Variants in GABRG2 observed in about 807,000 individuals in gnomAD.
GABRG2 encodes gamma-aminobutyric acid type A receptor subunit gamma2, also known as gamma-aminobutyric acid receptor subunit gamma-2.
In GABRG2, 16 loss-of-function variants were observed where a neutral mutation model predicts 56.4. The ratio of observed to expected loss-of-function variants is 0.28; its 90% CI spans 0.19 to 0.43. GABRG2 has a LOEUF of 0.43. Among genes scored for constraint, GABRG2 ranks in the 20% least tolerant of loss-of-function variants. The pLI, the probability that GABRG2 is intolerant of heterozygous loss-of-function variation, is 1.00. For synonymous variants in GABRG2, 208 were observed against 205.5 expected, an observed-to-expected ratio of 1.01 and a Z score of -0.10; for missense variants, 327 against 582.7, an observed-to-expected ratio of 0.56 and a Z score of 4.52.
Position 162,153,891 on chromosome 5 carries a change from A to G in GABRG2, c.*523A>G, listed in dbSNP as rs1229572452. On this transcript the variant is annotated 3_prime_UTR_variant, in exon 10 of 10. Coordinates refer to ENST00000639213, the MANE Select transcript of GABRG2 (RefSeq NM_198904.4). ...AAGATAGGAAGAAAATTTCCTCCAC[A>G]TTCATGTACAATGATGTAAATATTT... 1.2e-5 allele frequency: 2 copies of G among 169,442 alleles called. No homozygotes were observed. The highest frequency in any genetic ancestry group is 3.2e-4 in the East Asian group (2 of 6,216). The allele number at this position is 169,442 out of a possible 1,614,324, so 10.5% of individuals were successfully genotyped here. A position where few individuals can be genotyped will look rare whatever the true frequency, so the allele number is the denominator to read the frequency against.
chr5:162,106,880 A>G (rs1761870316), intron 6 of GABRG2, among the ~76,000 whole-genome samples: 1 of 147,678 alleles, frequency 6.8e-6, no homozygotes, highest in Non-Finnish European at 1.5e-5. Context: ...TAGGGGGTAC[A>G]TGTACAGGTT....
chr5:162,097,601 G>A (rs1185681777), intron 3 of GABRG2, 37 bp from the exon 4 acceptor site: 2 of 1,397,272 alleles, frequency 1.4e-6, no homozygotes, highest in East Asian at 4.6e-5. Flanking sequence ...TAATCTTACT[G>A]TGTACAAATT....
intron 8 of GABRG2, 115 bp from the exon 9 acceptor site, chr5:162,151,615 A>G: frequency 3.4e-6 from 3 of 870,576 alleles, no homozygotes; most frequent in Non-Finnish European, 5.5e-6. Flanking sequence ...CATTTCACTT[A>G]CTGTGTTTTC....
intron 6 of GABRG2, among the ~76,000 whole-genome samples, chr5:162,125,692 T>G (rs1763295442): frequency 6.6e-6 from 1 of 151,692 alleles, no homozygotes; most frequent in African/African-American, 2.4e-5. Context: ...AAGTGGTGGT[T>G]TGTCAGATGA....
At chr5:162,082,586 A>G (rs1759752251) in intron 1 of GABRG2, among the ~76,000 whole-genome samples, 1 of 151,738 alleles carries the variant, frequency 6.6e-6, no homozygotes, top group African/African-American at 2.4e-5. Context: ...CACTCTCAAT[A>G]TGGAACTTTT....
chr5:162,099,731 G>A (rs1390397205), intron 4 of GABRG2: 1 of 152,070 alleles, frequency 6.6e-6, no homozygotes, highest in Non-Finnish European at 1.5e-5. Context: ...CATTACATTA[G>A]TTAGTTATGA....
At chr5:162,143,256 C>T (rs1194070551) in intron 7 of GABRG2, among the ~76,000 whole-genome samples, 1 of 152,156 alleles carries the variant, frequency 6.6e-6, no homozygotes, top group African/African-American at 2.4e-5. Context: ...GTTGGCTATT[C>T]CCCACGAGTA....
At chr5:162,124,218 T>G (rs1163156212) in intron 6 of GABRG2, among the ~76,000 whole-genome samples, 2 of 151,934 alleles carry the variant, frequency 1.3e-5, no homozygotes, top group Non-Finnish European at 2.9e-5. Flanking sequence ...TGATTGTGAA[T>G]GTTTTTGTTT....
intron 6 of GABRG2, among the ~76,000 whole-genome samples, chr5:162,112,221 T>A (rs1378696519): frequency 1.3e-5 from 2 of 151,622 alleles, no homozygotes; most frequent in East Asian, 3.9e-4. Flanking sequence ...AAGATTAATA[T>A]TTTTGACAGT....
rs1363015660 is a variant in GABRG2, at chr5:162,093,854, A to G, written c.134A>G (p.Asp45Gly). ...PGFTSQKSDD[D>G]YEDYASNKTW... ...TTCACTAGCCAGAAATCTGATGATGACTATGAAGATTATGCTTCTAACAAA... is the reference window on the plus strand; with the variant it reads ...TTCACTAGCCAGAAATCTGATGATGGCTATGAAGATTATGCTTCTAACAAA... Residue 45 changes from aspartate to glycine, a missense_variant, in exon 2 of 10, where the codon GAC becomes GGC. Asp to Gly is a moderately conservative substitution (Grantham distance 94). Around this residue, in one of 4 missense-constraint regions of GABRG2, gnomAD observed 73 missense variants for 72.2 expected, o/e 1.01. Coordinates refer to ENST00000639213, the MANE Select transcript of GABRG2 (RefSeq NM_198904.4). The G allele has an allele frequency of 6.2e-7, 1 of 1,613,162 alleles. No individual in the cohort carries two copies. Among genetic ancestry groups the G allele is most frequent in the South Asian group, 1.1e-5 (1 of 91,080 alleles).
chr5:162,097,262 T>C (rs1172220768), intron 3 of GABRG2, among the ~76,000 whole-genome samples: 1 of 152,192 alleles, frequency 6.6e-6, no homozygotes, highest in Non-Finnish European at 1.5e-5. Context: ...TACTGTCATC[T>C]AATGAGTAGA....
intron 6 of GABRG2, among the ~76,000 whole-genome samples, chr5:162,106,858 T>A (rs1761868435): frequency 6.6e-6 from 1 of 152,120 alleles, no homozygotes; most frequent in African/African-American, 2.4e-5. Context: ...TATTTTGTTT[T>A]AACTTTTAAG....
intron 6 of GABRG2, among the ~76,000 whole-genome samples, chr5:162,128,715 T>C (rs373834643): frequency 5.3e-5 from 8 of 152,016 alleles, no homozygotes; most frequent in African/African-American, 1.9e-4. Context: ...GTTTCATCAT[T>C]TCTAGGATGG....
At chr5:162,098,124 A>G (rs1761137511) in intron 4 of GABRG2, 3 of 477,996 alleles carry the variant, frequency 6.3e-6, no homozygotes, top group Non-Finnish European at 1.1e-5. Context: ...CTGACCTGAA[A>G]TTTCCTTTGT....
At chr5:162,110,541 C>T (rs1034832416) in intron 6 of GABRG2, among the ~76,000 whole-genome samples, 6 of 151,626 alleles carry the variant, frequency 4.0e-5, no homozygotes, top group Admixed American at 1.3e-4. Flanking sequence ...ACTTGACTCA[C>T]GATTTAGATG....
intron 6 of GABRG2, among the ~76,000 whole-genome samples, chr5:162,127,254 A>G (rs1333688094): frequency 6.6e-6 from 1 of 151,930 alleles, no homozygotes; most frequent in Non-Finnish European, 1.5e-5. Flanking sequence ...TTTTTCATGA[A>G]AATCATCTTT....
At chr5:162,075,844 G>GT (rs776211577) in intron 1 of GABRG2, among the ~76,000 whole-genome samples, 1 of 151,958 alleles carries the variant, frequency 6.6e-6, no homozygotes, top group Non-Finnish European at 1.5e-5. Context: ...ACTTGATCAG[G>GT]GTTCAGTTTG....
chr5:162,099,058 G>A (rs1761214878), intron 4 of GABRG2: 1 of 151,914 alleles, frequency 6.6e-6, no homozygotes. Flanking sequence ...TAAGAATAAT[G>A]CAATTCTAAA....
At chr5:162,096,518 T>C (rs1195737713) in intron 3 of GABRG2, among the ~76,000 whole-genome samples, 1 of 152,180 alleles carries the variant, frequency 6.6e-6, no homozygotes. Context: ...TACTGGCACA[T>C]CACTAATTGG....
Sources: gnomAD v4.1 joint callset for allele counts (sites outside exome capture counted in the v4.1 genomes callset) on GRCh38, gnomAD v4.1.1 for gene constraint, gnomAD v4.1.1 regional missense constraint, MANE v1.5 for transcripts, NCBI Gene and HGNC (gene_info 2026-07-23, HGNC 2026-07-21) for gene names.